Variants in MARS1 observed in about 807,000 individuals in gnomAD.
MARS1 encodes methionine--tRNA ligase, cytoplasmic.
MARS1 carries 80 observed loss-of-function variants against 119.5 expected under a neutral mutation model. The ratio of observed to expected loss-of-function variants is 0.67; its 90% CI spans 0.56 to 0.81. MARS1 has a LOEUF of 0.81. MARS1 is among the 30% of genes least tolerant of loss of function. The pLI is 0.00. For synonymous variants in MARS1, 418 were observed against 433.4 expected, an observed-to-expected ratio of 0.96 and a Z score of 0.44; for missense variants, 945 against 1,116.5, an observed-to-expected ratio of 0.85 and a Z score of 2.19.
intron 2 of MARS1, 23 bp from the exon 3 acceptor site, chr12:57,489,244 T>C (rs1186595497): frequency 2.5e-6 from 4 of 1,612,850 alleles, no homozygotes; most frequent in Non-Finnish European, 3.4e-6. Flanking sequence ...AAGTCCATCA[T>C]CTGTTGCTCT....
Position 57,508,630 on chromosome 12 carries a change from C to T in MARS1, c.1369-3068C>T, listed in dbSNP as rs374033584. Among the ~76,000 whole-genome samples, 22 of 152,082 alleles carry T rather than the reference C, an allele frequency of 1.4e-4. No homozygotes were observed. In the East Asian group the frequency reaches 3.5e-3, roughly 24 times the overall value. ...GCGGCAGTACAGTCCAGCTTCGGCT[C>T]GGCATCAGAGGGAGACCGTGGAAAG... On this transcript the variant is annotated intron_variant, in intron 11 of 20. Transcript: ENST00000262027.
chr12:57,504,416 G>T, intron 11 of MARS1, 117 bp downstream of exon 11: 1 of 801,712 alleles, frequency 1.2e-6, no homozygotes, highest in Non-Finnish European at 2.1e-6. Context: ...ATTAAGAATT[G>T]TACATACTAT....
At chr12:57,504,011 CAG>C in intron 10 of MARS1, 1 of 577,776 alleles carries the variant, frequency 1.7e-6, no homozygotes. Flanking sequence ...TGTGATGGGA[CAG>C]AGATCTGAAA....
chr12:57,505,382 G>A (rs917603369), intron 11 of MARS1, among the ~76,000 whole-genome samples: 5 of 151,892 alleles, frequency 3.3e-5, no homozygotes, highest in Admixed American at 6.6e-5. Flanking sequence ...GGCTGGTCTC[G>A]AACTCCTGAC....
intron 11 of MARS1, among the ~76,000 whole-genome samples, chr12:57,504,890 G>T (rs1239518589): frequency 2.6e-5 from 4 of 151,840 alleles, no homozygotes; most frequent in Admixed American, 1.3e-4. Context: ...TTTTAGTAGA[G>T]ACAGGGTTTT....
At position 57,514,829 on chromosome 12, in the gene MARS1, C is replaced by T. The variant is rs559534109; in HGVS notation, c.2077C>T (p.His693Tyr). 39 of 1,614,104 alleles carry T rather than the reference C, an allele frequency of 2.4e-5. No individual in the cohort carries two copies. The South Asian group carries it at 3.8e-4, about 16-fold the overall frequency. Residue 693 changes from histidine to tyrosine, a missense_variant, in exon 16 of 21, where the codon CAC (histidine) becomes TAC (tyrosine). Transcript: ENST00000262027. ...AHVTLELQHY[H>Y]QLLEKVRIRD... Reference sequence around the variant, plus strand: ...TGTCACCCTGGAGCTCCAGCACTATCACCAGCTACTTGAGAAGGTTCGGTA... The same window carrying T: ...TGTCACCCTGGAGCTCCAGCACTATTACCAGCTACTTGAGAAGGTTCGGTA...
At position 57,488,082 on chromosome 12, in the gene MARS1, C is replaced by G. The variant is rs918619996; in HGVS notation, c.-9C>G. On this transcript the variant is annotated 5_prime_UTR_variant, in exon 1 of 21. Coordinates refer to ENST00000262027, the MANE Select transcript of MARS1 (RefSeq NM_004990.4). ...GTTCCGGTTGCATCAGCGAGGGATT[C>G]ACGGCGAAATGAGACTGTTCGTGAG... 2.5e-6 allele frequency: 4 copies of G among 1,612,596 alleles called. No individual in the cohort carries two copies. The highest frequency in any genetic ancestry group is 3.4e-6 in the Non-Finnish European group (4 of 1,178,854).
intron 7 of MARS1, among the ~76,000 whole-genome samples, chr12:57,495,213 G>T (rs1876539358): frequency 1.3e-5 from 2 of 150,740 alleles, no homozygotes. Flanking sequence ...GGCCAGGCGG[G>T]CGCTGCCCCC....
Position 57,511,855 on chromosome 12 carries a change from GTTTTGAAGACAAGGTAAAAACCC to G in MARS1, c.1531_1539+14del, listed in dbSNP as rs1877537061. ...TGGGGAACCCCTGTACCCTTAGAAG[GTTTTGAAGACAAGGTAAAAACCC>G]TTTTTTATTCATATCATTCAGCCTT... is the stretch of plus-strand genomic sequence containing the variant. On this transcript the variant is annotated splice_donor_variant and splice_donor_5th_base_variant and coding_sequence_variant and intron_variant, in exon 12 of 21. Coordinates refer to ENST00000262027, the MANE Select transcript of MARS1 (RefSeq NM_004990.4). LOFTEE classifies it high-confidence loss of function. 1.9e-6 allele frequency: 3 copies of G among 1,613,930 alleles called. No homozygotes were observed. The highest frequency in any genetic ancestry group is 2.5e-6 in the Non-Finnish European group (3 of 1,179,966).
Position 57,493,384 on chromosome 12 carries a change from ATATAT to A in MARS1, c.770+2746_770+2750del, listed in dbSNP as rs1240806505. ...TGATATGTATAATATATATTATATA[ATATAT>A]TATATATAATATATGTTATATAATA... On this transcript the variant is annotated intron_variant, in intron 7 of 20. Coordinates refer to ENST00000262027, the MANE Select transcript of MARS1 (RefSeq NM_004990.4). 1.5e-4 allele frequency among the ~76,000 whole-genome samples: 4 copies of A among 26,034 alleles called. 1 individual carries two copies. Among genetic ancestry groups the A allele is most frequent in the Non-Finnish European group, 2.3e-4 (4 of 17,030 alleles). 17.1% of individuals were successfully genotyped at this position (26,034 alleles called of 152,430 possible). A position where few individuals can be genotyped will look rare whatever the true frequency, so the allele number is the denominator to read the frequency against.
chr12:57,502,990 C>G (rs1877001549), intron 10 of MARS1, among the ~76,000 whole-genome samples: 1 of 152,150 alleles, frequency 6.6e-6, no homozygotes. Flanking sequence ...TGCACCACTG[C>G]ACTCCAGTCT....
rs749954063 is a variant in MARS1, at chr12:57,512,790, G to A, written c.1793G>A (p.Arg598His). The A allele has an allele frequency of 2.2e-5, 36 of 1,614,052 alleles. No individual in the cohort carries two copies. The highest frequency in any genetic ancestry group is 2.0e-4 in the East Asian group (9 of 44,898). The change falls in exon 15 of 21, where the codon CGC (arginine) becomes CAC (histidine). Residue 598 changes from arginine (R) to histidine (H), a missense_variant. Physicochemically the swap from Arg to His is conservative, Grantham distance 29 (BLOSUM62 0). Coordinates refer to ENST00000262027, the MANE Select transcript of MARS1 (RefSeq NM_004990.4). ...NYEDGKFSKS[R>H]GVGVFGDMAQ... Reference sequence around the variant, plus strand: ...GAGGATGGGAAATTCTCTAAGAGCCGCGGTGTGGGAGTGTTTGGGGACATG... The same window carrying A: ...GAGGATGGGAAATTCTCTAAGAGCCACGGTGTGGGAGTGTTTGGGGACATG...
In MARS1 at chr12:57,515,058, G is replaced by A. The variant is rs767748362; in HGVS notation, c.2204G>A (p.Arg735Lys). Reference sequence around the variant, plus strand: ...CGGATTAAAGGCAGTGAGGCTGACAGGTAGGTAAGCGGGGAGGGTTGGCTA... The same window carrying A: ...CGGATTAAAGGCAGTGAGGCTGACAAGTAGGTAAGCGGGGAGGGTTGGCTA... ...WKRIKGSEAD[R>K]QRAGTVTGLA... The change falls in exon 17 of 21, where the codon AGG (arginine) becomes AAG (lysine). Residue 735 changes from arginine (R) to lysine (K), a missense_variant and splice_region_variant. Physicochemically the swap from Arg to Lys is conservative, Grantham distance 26. Coordinates refer to ENST00000262027, the MANE Select transcript of MARS1 (RefSeq NM_004990.4). The A allele has an allele frequency of 1.2e-6, 2 of 1,614,172 alleles. 1 individual carries two copies. Among genetic ancestry groups the A allele is most frequent in the South Asian group, 2.2e-5 (2 of 91,084 alleles).
At chr12:57,513,908 C>T (rs1446197291) in intron 15 of MARS1, among the ~76,000 whole-genome samples, 4 of 147,532 alleles carry the variant, frequency 2.7e-5, no homozygotes, top group African/African-American at 1.0e-4. Flanking sequence ...ACTAAAAATA[C>T]AAAAAGTAGC....
intron 8 of MARS1, 30 bp downstream of exon 8, chr12:57,498,303 C>T (rs761078018): frequency 1.6e-5 from 26 of 1,603,292 alleles, no homozygotes; most frequent in Non-Finnish European, 2.2e-5. Context: ...GAGAGACCTC[C>T]TAAGGGAAGG....
chr12:57,489,761 G>A (rs965981359), intron 4 of MARS1, 135 bp from the exon 5 acceptor site: 2 of 1,075,766 alleles, frequency 1.9e-6, no homozygotes, highest in East Asian at 2.4e-5. Context: ...GTTATTGTGA[G>A]GATTAAGTGA....
chr12:57,512,902 G>A lies in MARS1; in HGVS notation c.1905G>A (p.Trp635Ter). Residue 635 changes from tryptophan to a stop codon, truncating the protein, a stop_gained, in exon 15 of 21, where the codon TGG becomes TGA. Coordinates refer to ENST00000262027, the MANE Select transcript of MARS1 (RefSeq NM_004990.4). LOFTEE classifies it high-confidence loss of function. ...RPEGQDSAFS[W>*]TDLLLKNNSE... ...AGGGCCAGGACAGTGCTTTCTCCTG[G>A]ACGGACCTGCTGCTGAAGAATAATT... 1 of 1,614,214 alleles carries A rather than the reference G, an allele frequency of 6.2e-7. No individual in the cohort carries two copies. Among genetic ancestry groups the A allele is most frequent in the Non-Finnish European group, 8.5e-7 (1 of 1,180,036 alleles).
intron 10 of MARS1, among the ~76,000 whole-genome samples, chr12:57,501,396 T>C (rs1471842024): frequency 1.3e-5 from 2 of 152,192 alleles, no homozygotes; most frequent in Admixed American, 1.3e-4. Flanking sequence ...TAAAGTATGT[T>C]GAAGGGGCTG....
At chr12:57,493,630 T>C (rs867856022) in intron 7 of MARS1, among the ~76,000 whole-genome samples, 1 of 37,850 alleles carries the variant, frequency 2.6e-5, no homozygotes, top group Admixed American at 4.6e-4. Context: ...ATATATATTA[T>C]ATATAATTAA....
Sources: gnomAD v4.1 joint callset for allele counts (sites outside exome capture counted in the v4.1 genomes callset) on GRCh38, gnomAD v4.1.1 for gene constraint, MANE v1.5 for transcripts, NCBI Gene and HGNC (gene_info 2026-07-23, HGNC 2026-07-21) for gene names.